Variants in CACNB2 observed in about 807,000 individuals in gnomAD.
The protein encoded by CACNB2 is voltage-dependent L-type calcium channel subunit beta-2.
A neutral mutation model predicts 73.3 loss-of-function variants in CACNB2; 42 were observed. The observed-to-expected ratio is 0.57, with a 90% confidence interval of 0.45 to 0.74. The LOEUF (loss-of-function observed/expected upper bound fraction) is 0.74, where lower values mean the gene tolerates loss of function less well. Among genes scored for constraint, CACNB2 ranks in the 30% least tolerant of loss-of-function variants. CACNB2 has a pLI of 0.00. For synonymous variants in CACNB2, 348 were observed against 310.3 expected (o/e 1.12, Z -1.28); for missense variants, 940 against 853.0 (o/e 1.10, Z -1.27).
chr10:18,232,432 C>T (rs771796616), intron 2 of CACNB2, among the ~76,000 whole-genome samples: 5 of 152,206 alleles, frequency 3.3e-5, no homozygotes, highest in Non-Finnish European at 5.9e-5. Flanking sequence ...GAGGTTTAAC[C>T]GTGTAGCCTT....
intron 2 of CACNB2, among the ~76,000 whole-genome samples, chr10:18,355,421 C>T (rs980751644): frequency 3.3e-5 from 5 of 149,690 alleles, no homozygotes; most frequent in East Asian, 2.1e-4. Context: ...ATGTAACTAA[C>T]GATTTGGTGT....
At chr10:18,277,677 A>G (rs925088239) in intron 2 of CACNB2, among the ~76,000 whole-genome samples, 1 of 152,238 alleles carries the variant, frequency 6.6e-6, no homozygotes, top group Non-Finnish European at 1.5e-5. Context: ...CAGCTTAACA[A>G]TGTCTACACT....
intron 2 of CACNB2, among the ~76,000 whole-genome samples, chr10:18,172,706 T>G (rs960109843): frequency 3.9e-5 from 6 of 152,092 alleles, no homozygotes; most frequent in Admixed American, 6.5e-5. Context: ...CTATTTTACT[T>G]TATTTTCAGT....
chr10:18,418,782 C>A (rs1043069658), intron 3 of CACNB2, among the ~76,000 whole-genome samples: 4 of 152,180 alleles, frequency 2.6e-5, no homozygotes, highest in African/African-American at 4.8e-5. Flanking sequence ...GAATATTTGA[C>A]ACCAGTATCA....
intron 10 of CACNB2, among the ~76,000 whole-genome samples, chr10:18,531,305 C>T (rs1304539579): frequency 6.6e-6 from 1 of 152,082 alleles, no homozygotes; most frequent in Admixed American, 6.6e-5. Context: ...AAGACTAGTA[C>T]TCACCAGTTA....
chr10:18,517,398 CATTTT>C (rs925546344), intron 7 of CACNB2, among the ~76,000 whole-genome samples: 2 of 152,072 alleles, frequency 1.3e-5, no homozygotes, highest in African/African-American at 4.8e-5. Context: ...GTTATTTTAC[CATTTT>C]ATTTGAAGCA....
At chr10:18,439,393 G>T (rs2046306120) in intron 3 of CACNB2, among the ~76,000 whole-genome samples, 1 of 152,156 alleles carries the variant, frequency 6.6e-6, no homozygotes, top group Non-Finnish European at 1.5e-5. Context: ...GGGAAAATTT[G>T]AGTCCTGGTT....
At chr10:18,351,157 T>C (rs2041690517) in intron 2 of CACNB2, among the ~76,000 whole-genome samples, 1 of 151,892 alleles carries the variant, frequency 6.6e-6, no homozygotes, top group Admixed American at 6.6e-5. Flanking sequence ...TTTCTTTTTT[T>C]TTTTTTCTTT....
At chr10:18,427,103 G>A (rs2045645391) in intron 3 of CACNB2, among the ~76,000 whole-genome samples, 2 of 151,784 alleles carry the variant, frequency 1.3e-5, no homozygotes, top group Admixed American at 6.6e-5. Context: ...TTACAGGCAT[G>A]CGCCACCACG....
chr10:18,345,065 C>T (rs1228945192), intron 2 of CACNB2, among the ~76,000 whole-genome samples: 1 of 152,076 alleles, frequency 6.6e-6, no homozygotes, highest in Non-Finnish European at 1.5e-5. Context: ...ATAAAATGGT[C>T]ATTTATTTTT....
intron 2 of CACNB2, among the ~76,000 whole-genome samples, chr10:18,152,497 T>A (rs2131040591): frequency 6.6e-6 from 1 of 152,112 alleles, no homozygotes; most frequent in African/African-American, 2.4e-5. Flanking sequence ...GTTGGCCTCA[T>A]GTTTTCGTGG....
At chr10:18,378,791 A>C (rs2042902053) in intron 2 of CACNB2, among the ~76,000 whole-genome samples, 1 of 152,264 alleles carries the variant, frequency 6.6e-6, no homozygotes, top group South Asian at 2.1e-4. Context: ...AGTATGCCTA[A>C]ATCAGCCATT....
chr10:18,443,395 G>T (rs947483763), intron 3 of CACNB2, among the ~76,000 whole-genome samples: 1 of 152,006 alleles, frequency 6.6e-6, no homozygotes, highest in African/African-American at 2.4e-5. Context: ...ACAAGCAGGG[G>T]ACTTGGGTGC....
Position 18,443,322 on chromosome 10 carries a change from T to C in CACNB2, c.333+41279T>C, listed in dbSNP as rs368520142. On this transcript the variant is annotated intron_variant, in intron 3 of 13. Coordinates refer to ENST00000324631, the MANE Select transcript of CACNB2 (RefSeq NM_201596.3). Reference sequence around the variant, plus strand: ...GCCATTTCCAGTGACAGCACACTCATCAGTTCACCTGGAGTACCGGAGGCA... The same window carrying C: ...GCCATTTCCAGTGACAGCACACTCACCAGTTCACCTGGAGTACCGGAGGCA... Among the ~76,000 whole-genome samples, 7 of 151,968 alleles carry C rather than the reference T, an allele frequency of 4.6e-5. No individual in the cohort carries two copies. The East Asian group carries it at 5.9e-4, about 13-fold the overall frequency.
chr10:18,167,734 G>A (rs571484894), intron 2 of CACNB2, among the ~76,000 whole-genome samples: 1 of 152,180 alleles, frequency 6.6e-6, no homozygotes, highest in East Asian at 1.9e-4. Context: ...AGCCGTTGGG[G>A]GGAGAAGTAG....
chr10:18,327,296 T>G, intron 2 of CACNB2, among the ~76,000 whole-genome samples: 1 of 152,326 alleles, frequency 6.6e-6, no homozygotes. Context: ...ATTTTCATAA[T>G]AAAAATAACA....
chr10:18,432,307 A>C (rs1472513665), intron 3 of CACNB2, among the ~76,000 whole-genome samples: 1 of 152,174 alleles, frequency 6.6e-6, no homozygotes, highest in South Asian at 2.1e-4. Flanking sequence ...GCTTCTTCAC[A>C]GTCTTTGATA....
At chr10:18,204,914 T>G (rs926642053) in intron 2 of CACNB2, among the ~76,000 whole-genome samples, 1 of 151,856 alleles carries the variant, frequency 6.6e-6, no homozygotes, top group Non-Finnish European at 1.5e-5. Flanking sequence ...CCACAAATAT[T>G]TAATGAGTTC....
chr10:18,361,630 C>G (rs1347301783), intron 2 of CACNB2, among the ~76,000 whole-genome samples: 5 of 65,484 alleles, frequency 7.6e-5, no homozygotes, highest in Non-Finnish European at 1.6e-4. Flanking sequence ...TTTTTTTTTT[C>G]GAAACATAGT....
Sources: allele counts gnomAD v4.1 joint callset (sites outside exome capture counted in the v4.1 genomes callset), GRCh38; gene constraint gnomAD v4.1.1; transcripts MANE v1.5; gene names NCBI Gene and HGNC (gene_info 2026-07-23, HGNC 2026-07-21).